Variants in COL21A1 observed in about 807,000 individuals in gnomAD.
COL21A1 encodes collagen type XXI alpha 1 chain.
In COL21A1, 149 loss-of-function variants were observed where a neutral mutation model predicts 137.9. The ratio of observed to expected loss-of-function variants is 1.08; its 90% CI spans 0.95 to 1.24. The LOEUF is 1.24. COL21A1 is among the 50% of genes most tolerant of loss of function. COL21A1 has a pLI of 0.00. For synonymous variants in COL21A1, 456 were observed against 391.5 expected (o/e 1.16, Z -1.95); for missense variants, 1,167 against 1,158.4 (o/e 1.01, Z -0.11).
At chr6:56,219,049 G>T (rs1040773358) in intron 1 of COL21A1, among the ~76,000 whole-genome samples, 2 of 151,800 alleles carry the variant, frequency 1.3e-5, no homozygotes, top group African/African-American at 4.8e-5. Context: ...AAATATCATC[G>T]TTTTGAAGTG....
intron 1 of COL21A1, among the ~76,000 whole-genome samples, chr6:56,201,808 C>A (rs1301577114): frequency 6.6e-6 from 1 of 152,028 alleles, no homozygotes; most frequent in South Asian, 2.1e-4. Context: ...TTTAAAATGA[C>A]AATAAATGCT....
chr6:56,390,568 A>G (rs1257641125), intron 1 of COL21A1, among the ~76,000 whole-genome samples: 1 of 151,676 alleles, frequency 6.6e-6, no homozygotes, highest in Non-Finnish European at 1.5e-5. Context: ...AAGAAATTCA[A>G]TCTATAAAGA....
In COL21A1 at chr6:56,097,918, T is replaced by A. The variant is rs1452953098; in HGVS notation, c.1812+3554A>T. ...AAATATATAAATATATAAATATATA[T>A]AAATATATAAATATATAAAAATATA... On this transcript the variant is annotated intron_variant, in intron 17 of 29. Transcript: ENST00000244728. Among the ~76,000 whole-genome samples, 7 of 91,494 alleles carry A rather than the reference T, an allele frequency of 7.7e-5. 1 individual carries two copies. The highest frequency in any genetic ancestry group is 1.7e-4 in the Admixed American group (1 of 6,014). 60.0% of individuals were successfully genotyped at this position (91,494 alleles called of 152,430 possible).
intron 1 of COL21A1, among the ~76,000 whole-genome samples, chr6:56,215,626 G>A (rs1337285779): frequency 6.6e-6 from 1 of 151,982 alleles, no homozygotes; most frequent in African/African-American, 2.4e-5. Flanking sequence ...CTCTCTAAAA[G>A]CAAGGATAAA....
chr6:56,096,696 A>G (rs1383997213), intron 17 of COL21A1, among the ~76,000 whole-genome samples: 2 of 152,176 alleles, frequency 1.3e-5, no homozygotes, highest in African/African-American at 4.8e-5. Context: ...ACAGGGATGA[A>G]TCACCATTAA....
chr6:56,374,773 G>T (rs1371914101), intron 1 of COL21A1, among the ~76,000 whole-genome samples: 1 of 150,838 alleles, frequency 6.6e-6, no homozygotes, highest in Non-Finnish European at 1.5e-5. Flanking sequence ...CCAAACCTTG[G>T]AATGTTTGTA....
chr6:56,241,404 G>T (rs1359721392), intron 1 of COL21A1, among the ~76,000 whole-genome samples: 3 of 152,174 alleles, frequency 2.0e-5, no homozygotes, highest in Admixed American at 6.5e-5. Context: ...TAAGCCACCT[G>T]CTGTATGGAA....
At chr6:56,249,397 C>T (rs1022943608), upstream of COL21A1, among the ~76,000 whole-genome samples, 6 of 152,128 alleles carry the variant, frequency 3.9e-5, no homozygotes, top group Non-Finnish European at 7.4e-5. Flanking sequence ...AACATATATC[C>T]ACATCAACAC....
intron 1 of COL21A1, among the ~76,000 whole-genome samples, chr6:56,378,946 G>A (rs570813774): frequency 6.6e-6 from 1 of 152,330 alleles, no homozygotes; most frequent in African/African-American, 2.4e-5. Flanking sequence ...GTAATCCAGA[G>A]AATTCTCTTG....
chr6:56,134,368 T>C (rs903509589), intron 12 of COL21A1, among the ~76,000 whole-genome samples: 1 of 152,102 alleles, frequency 6.6e-6, no homozygotes, highest in Admixed American at 6.6e-5. Context: ...GGAATGGGAG[T>C]ATTTATCCAA....
intron 17 of COL21A1, among the ~76,000 whole-genome samples, chr6:56,098,336 C>T (rs796912136): frequency 3.7e-5 from 1 of 26,780 alleles, no homozygotes; most frequent in African/African-American, 1.7e-4. Context: ...TATATAAACA[C>T]ATATGTAAAT....
intron 6 of COL21A1, 22 bp downstream of exon 6, chr6:56,168,102 G>A: frequency 7.0e-7 from 1 of 1,429,430 alleles, no homozygotes; most frequent in Non-Finnish European, 9.4e-7. Flanking sequence ...ATAATTCAAA[G>A]AGTAAATCAT....
rs150166997 is a variant in COL21A1 at position 56,294,647 on chromosome 6, C to G, written c.-39+99324G>C. Among the ~76,000 whole-genome samples, 275 of 152,106 alleles carry G rather than the reference C, an allele frequency of 1.8e-3. 1 individual carries two copies. The highest frequency in any genetic ancestry group is 6.5e-3 in the African/African-American group (270 of 41,538). On this transcript the variant is annotated intron_variant, in intron 1 of 28. Transcript: ENST00000370819. ...GTGTTACACATTCTATGGGCTTTGA[C>G]AAATGTATAATGTGTATAGTGGTAT...
At chr6:56,073,300 A>G (rs747735373) in intron 20 of COL21A1, among the ~76,000 whole-genome samples, 5 of 151,444 alleles carry the variant, frequency 3.3e-5, no homozygotes, top group Non-Finnish European at 7.4e-5. Flanking sequence ...GTGTGTACCT[A>G]TAGCTGCTGG....
At chr6:56,086,480 G>A (rs1052543470) in intron 17 of COL21A1, among the ~76,000 whole-genome samples, 6 of 152,118 alleles carry the variant, frequency 3.9e-5, no homozygotes, top group African/African-American at 1.4e-4. Context: ...AGAAACTAGA[G>A]AAAAGCAAAT....
intron 1 of COL21A1, among the ~76,000 whole-genome samples, chr6:56,215,387 C>G (rs752486283): frequency 2.0e-5 from 3 of 152,086 alleles, no homozygotes; most frequent in African/African-American, 4.8e-5. Flanking sequence ...GACTCATACA[C>G]TACTTGCAGA....
chr6:56,105,967 G>A (rs1770848803), intron 16 of COL21A1, among the ~76,000 whole-genome samples: 1 of 152,166 alleles, frequency 6.6e-6, no homozygotes, highest in African/African-American at 2.4e-5. Context: ...AAATTCCAGT[G>A]TTGAGTAAAC....
intron 17 of COL21A1, among the ~76,000 whole-genome samples, chr6:56,101,004 A>G (rs931336765): frequency 3.9e-5 from 6 of 152,206 alleles, no homozygotes; most frequent in Admixed American, 2.6e-4. Flanking sequence ...GGGGCAAACT[A>G]TATTTTTAAA....
At chr6:56,389,081 G>A (rs899154828) in intron 1 of COL21A1, among the ~76,000 whole-genome samples, 5 of 152,142 alleles carry the variant, frequency 3.3e-5, no homozygotes, top group African/African-American at 1.2e-4. Flanking sequence ...ATGCAAAGGA[G>A]GCTGGGCGTG....
Sources: gnomAD v4.1 joint callset for allele counts (sites outside exome capture counted in the v4.1 genomes callset) on GRCh38, gnomAD v4.1.1 for gene constraint, MANE v1.5 for transcripts, NCBI Gene and HGNC (gene_info 2026-07-23, HGNC 2026-07-21) for gene names.